The following TBC1D8B variants were observed in gnomAD, a reference collection of about 807,000 sequenced individuals.
The protein encoded by TBC1D8B is RP11-321G1.1.
TBC1D8B carries 75 observed loss-of-function variants against 82.9 expected under a neutral mutation model. The observed-to-expected ratio is 0.90, with a 90% CI of 0.75 to 1.10. TBC1D8B has a LOEUF of 1.10. TBC1D8B is among the 50% of genes least tolerant of loss of function. The probability of loss-of-function intolerance (pLI) is 0.00; values close to 1 mark genes in which losing one functional copy is unlikely to be tolerated. For missense variants in TBC1D8B, 794 were observed against 796.9 expected (o/e 1.00, Z 0.04); for synonymous variants, 276 against 276.8 (o/e 1.00, Z 0.03).
chrX:106,807,227 A>AAC (rs1177815193), intron 1 of TBC1D8B, among the ~76,000 whole-genome samples: 1 of 106,145 alleles, frequency 9.4e-6, no homozygotes, highest in South Asian at 4.7e-4. Context: ...CACACACACA[A>AAC]ACACACACAC....
intron 1 of TBC1D8B, among the ~76,000 whole-genome samples, chrX:106,812,250 C>T (rs1430772819): frequency 9.0e-6 from 1 of 111,377 alleles, no homozygotes; most frequent in Non-Finnish European, 1.9e-5. Flanking sequence ...GAGCACACTA[C>T]CTTCTCTTAT....
intron 4 of TBC1D8B, 136 bp downstream of exon 4, chrX:106,822,338 T>C: frequency 1.9e-6 from 1 of 517,090 alleles, no homozygotes; most frequent in Non-Finnish European, 3.0e-6. Context: ...GTTTATTTCA[T>C]CTAGGGAAAG....
At chrX:106,842,509 A>G (rs773784032) in intron 10 of TBC1D8B, among the ~76,000 whole-genome samples, 2 of 111,041 alleles carry the variant, frequency 1.8e-5, no homozygotes, top group East Asian at 5.6e-4. Flanking sequence ...AGAATCTTTC[A>G]AGCCTGGGAA....
chrX:106,846,181 A>G (rs1932445108), intron 10 of TBC1D8B, among the ~76,000 whole-genome samples: 1 of 96,243 alleles, frequency 1.0e-5, no homozygotes, highest in South Asian at 5.3e-4. Context: ...GCTCACTGCA[A>G]CCTCCACCTC....
chrX:106,840,204 A>G lies in TBC1D8B; in HGVS notation c.1504+6A>G. ...ACTCTGGATGCTTTTTTCAGGTATT[A>G]CGTTTATTCATTGTATTTATTTAAT... On this transcript the variant is annotated splice_donor_region_variant and intron_variant, in intron 9 of 20. Coordinates refer to ENST00000357242, the MANE Select transcript of TBC1D8B (RefSeq NM_017752.3). The G allele has an allele frequency of 8.3e-7, 1 of 1,199,110 alleles. No homozygotes were observed. The highest frequency in any genetic ancestry group is 1.8e-5 in the South Asian group (1 of 54,980).
intron 19 of TBC1D8B, 147 bp from the exon 20 acceptor site, chrX:106,870,569 G>T: frequency 2.4e-6 from 1 of 421,892 alleles, no homozygotes; most frequent in Non-Finnish European, 4.1e-6. Context: ...TGGGTGAAAT[G>T]AAAGGTAATT....
At chrX:106,807,800 C>G (rs1259779557) in intron 1 of TBC1D8B, among the ~76,000 whole-genome samples, 9 of 111,403 alleles carry the variant, frequency 8.1e-5, no homozygotes, top group Non-Finnish European at 1.1e-4. Flanking sequence ...CGCCTGTAAT[C>G]CCAGTACTTT....
At chrX:106,867,220 A>T (rs190841161) in intron 17 of TBC1D8B, among the ~76,000 whole-genome samples, 13 of 112,070 alleles carry the variant, frequency 1.2e-4, no homozygotes, top group African/African-American at 4.2e-4. Flanking sequence ...AAACCTGCGA[A>T]ATACTACAAA....
chrX:106,868,578 T>A, intron 18 of TBC1D8B, 102 bp downstream of exon 18: 1 of 448,037 alleles, frequency 2.2e-6, no homozygotes, highest in Non-Finnish European at 3.4e-6. Flanking sequence ...GGCTTCATTT[T>A]AACTTATACT....
chrX:106,843,562 C>T (rs1569453540), intron 10 of TBC1D8B, among the ~76,000 whole-genome samples: 1 of 111,599 alleles, frequency 9.0e-6, no homozygotes, highest in African/African-American at 3.3e-5. Flanking sequence ...ATTTATACTT[C>T]TACCCTTATA....
At chrX:106,855,771 C>T (rs1056299640) in intron 14 of TBC1D8B, among the ~76,000 whole-genome samples, 5 of 111,589 alleles carry the variant, frequency 4.5e-5, no homozygotes, top group African/African-American at 6.5e-5. Flanking sequence ...TTTGACAGGT[C>T]CCTGCCAAAT....
At chrX:106,867,865 A>T (rs994080423) in intron 17 of TBC1D8B, among the ~76,000 whole-genome samples, 1 of 111,614 alleles carries the variant, frequency 9.0e-6, no homozygotes, top group Non-Finnish European at 1.9e-5. Context: ...TAAAAATTTA[A>T]TTATAAAAGG....
At chrX:106,807,758 A>C (rs1205603107) in intron 1 of TBC1D8B, among the ~76,000 whole-genome samples, 1 of 111,526 alleles carries the variant, frequency 9.0e-6, no homozygotes, top group Non-Finnish European at 1.9e-5. Flanking sequence ...AAAAATAAAA[A>C]ATAAATAAAC....
At chrX:106,871,596 T>TC (rs1417499834) in intron 20 of TBC1D8B, among the ~76,000 whole-genome samples, 1 of 111,143 alleles carries the variant, frequency 9.0e-6, no homozygotes, top group African/African-American at 3.3e-5. Flanking sequence ...ACCAGCTGAG[T>TC]GTCCTCCAAT....
chrX:106,847,829 C>T (rs781422916), intron 10 of TBC1D8B, among the ~76,000 whole-genome samples: 1 of 111,131 alleles, frequency 9.0e-6, no homozygotes, highest in Admixed American at 9.6e-5. Context: ...AGATGAAGTT[C>T]GTTTTCTTTC....
rs1932558470 is a variant in TBC1D8B, at chrX:106,850,224, G to T, written c.2037G>T (p.Leu679Phe). The T allele has an allele frequency of 1.7e-6, 2 of 1,211,588 alleles. No individual in the cohort carries two copies. Among genetic ancestry groups the T allele is most frequent in the Middle Eastern group, 2.3e-4 (1 of 4,353 alleles). Residue 679 changes from leucine (L) to phenylalanine (F), a missense_variant, in exon 12 of 21, where the codon TTG becomes TTT. By Grantham distance (22) the Leu-to-Phe change is conservative. Coordinates refer to ENST00000357242, the MANE Select transcript of TBC1D8B (RefSeq NM_017752.3). ...CFFYDGIKAI[L>F]QLGLAILDYN... ...TCTATGATGGAATAAAGGCCATTTT[G>T]CAACTGGGATTGGCAATACTTGACT...
intron 10 of TBC1D8B, among the ~76,000 whole-genome samples, chrX:106,845,921 T>A (rs1932433207): frequency 9.1e-6 from 1 of 109,676 alleles, no homozygotes; most frequent in African/African-American, 3.3e-5. Context: ...ATAAAGACAG[T>A]CTTGTGAGAG....
intron 7 of TBC1D8B, among the ~76,000 whole-genome samples, chrX:106,835,460 A>C (rs1279610183): frequency 8.9e-6 from 1 of 111,923 alleles, no homozygotes; most frequent in Non-Finnish European, 1.9e-5. Context: ...TGACGTGAAG[A>C]TCTCTGACAT....
In TBC1D8B at chrX:106,874,036, T is replaced by TA; in HGVS notation, c.*72dup. 2 of 1,068,907 alleles carry TA rather than the reference T, an allele frequency of 1.9e-6. No homozygotes were observed. The highest frequency in any genetic ancestry group is 1.2e-6 in the Non-Finnish European group (1 of 802,101). 88.1% of individuals were successfully genotyped at this position (1,068,907 alleles called of 1,213,427 possible). On this transcript the variant is annotated 3_prime_UTR_variant, in exon 21 of 21. Coordinates refer to ENST00000357242, the MANE Select transcript of TBC1D8B (RefSeq NM_017752.3). The stretch of plus-strand genomic sequence containing the variant: ...TAGCTGTCAGTTTGATTCCTGTGAG[T>TA]AGGGCTCAGGGATTTATCTTGTTAC...
Sources: allele counts gnomAD v4.1 joint callset (sites outside exome capture counted in the v4.1 genomes callset), GRCh38; gene constraint gnomAD v4.1.1; transcripts MANE v1.5; gene names NCBI Gene and HGNC (gene_info 2026-07-23, HGNC 2026-07-21).